The following SAMD4A variants were observed in gnomAD, a reference collection of about 807,000 sequenced individuals.
The protein encoded by SAMD4A is sterile alpha motif domain containing 4A, also known as protein Smaug homolog 1.
SAMD4A carries 33 observed loss-of-function variants against 81.3 expected under a neutral mutation model. The observed-to-expected ratio is 0.41, with a 90% CI of 0.31 to 0.54. The LOEUF (loss-of-function observed/expected upper bound fraction) is 0.54. Among genes scored for constraint, SAMD4A ranks in the 20% least tolerant of loss-of-function variants. The pLI is 0.37. For synonymous variants in SAMD4A, 389 were observed against 382.1 expected, an observed-to-expected ratio of 1.02 and a Z score of -0.21; for missense variants, 854 against 951.1, an observed-to-expected ratio of 0.90 and a Z score of 1.34.
intron 3 of SAMD4A, among the ~76,000 whole-genome samples, chr14:54,727,670 T>C (rs753925830): frequency 6.6e-6 from 1 of 152,206 alleles, no homozygotes; most frequent in Non-Finnish European, 1.5e-5. Context: ...AATTTTTGGC[T>C]ACTGTATTTG....
intron 4 of SAMD4A, among the ~76,000 whole-genome samples, chr14:54,745,753 A>G (rs1440582801): frequency 2.0e-5 from 3 of 152,208 alleles, no homozygotes; most frequent in Non-Finnish European, 4.4e-5. Context: ...GTGACTTTCT[A>G]GTTTGAGACC....
intron 8 of SAMD4A, among the ~76,000 whole-genome samples, chr14:54,768,456 C>T (rs111650779): frequency 6.6e-6 from 1 of 152,180 alleles, no homozygotes; most frequent in African/African-American, 2.4e-5. Context: ...TGCGTAAAGG[C>T]GTGCAGGGAT....
chr14:54,654,817 C>T (rs926958096), intron 2 of SAMD4A, among the ~76,000 whole-genome samples: 3 of 152,222 alleles, frequency 2.0e-5, no homozygotes, highest in African/African-American at 7.2e-5. Context: ...GCCTTCACTC[C>T]ATGGTTGGTG....
chr14:54,683,561 A>G (rs1010737447), intron 2 of SAMD4A, among the ~76,000 whole-genome samples: 2 of 152,158 alleles, frequency 1.3e-5, no homozygotes, highest in African/African-American at 4.8e-5. Flanking sequence ...TTCCTGGCAG[A>G]GCTCTGAGTA....
At chr14:54,724,016 G>GGAA (rs1555347556) in intron 3 of SAMD4A, among the ~76,000 whole-genome samples, 17 of 145,646 alleles carry the variant, frequency 1.2e-4, no homozygotes, top group East Asian at 8.5e-4. Flanking sequence ...ATGGAAGGAA[G>GGAA]GAAGGAAGGA....
At chr14:54,631,795 A>C (rs1410352059) in intron 2 of SAMD4A, among the ~76,000 whole-genome samples, 1 of 152,196 alleles carries the variant, frequency 6.6e-6, no homozygotes, top group East Asian at 1.9e-4. Context: ...CTGACCCTGT[A>C]TAAGCCTAAG....
intron 9 of SAMD4A, among the ~76,000 whole-genome samples, chr14:54,773,995 G>A (rs977145596): frequency 2.0e-5 from 3 of 152,226 alleles, no homozygotes; most frequent in Non-Finnish European, 4.4e-5. Context: ...AAAGAAGGGA[G>A]CCCTGGGACA....
chr14:54,694,603 G>A (rs1377141306), intron 2 of SAMD4A: 26 of 985,358 alleles, frequency 2.6e-5, no homozygotes, highest in South Asian at 1.9e-4. Context: ...AAATACAAAC[G>A]TGGAGTTGTC....
chr14:54,655,780 G>A (rs1440941932), intron 2 of SAMD4A, among the ~76,000 whole-genome samples: 2 of 152,122 alleles, frequency 1.3e-5, no homozygotes, highest in African/African-American at 2.4e-5. Context: ...AATATAGATC[G>A]GGAGTCAGAA....
At chr14:54,626,244 C>T (rs2140321332) in intron 2 of SAMD4A, among the ~76,000 whole-genome samples, 1 of 152,212 alleles carries the variant, frequency 6.6e-6, no homozygotes, top group East Asian at 1.9e-4. Flanking sequence ...TAGACTTTAT[C>T]TCTTCTCCAT....
At chr14:54,773,808 A>G (rs1236863864) in intron 9 of SAMD4A, among the ~76,000 whole-genome samples, 2 of 152,250 alleles carry the variant, frequency 1.3e-5, no homozygotes, top group Non-Finnish European at 2.9e-5. Context: ...AGGATGCGTC[A>G]TGATGGCAGA....
rs1367532946 is a variant in SAMD4A, at chr14:54,791,453, C to A, written c.*2509C>A. 4 of 152,148 alleles carry A rather than the reference C, an allele frequency of 2.6e-5. No individual in the cohort carries two copies. The highest frequency in any genetic ancestry group is 5.9e-5 in the Non-Finnish European group (4 of 68,020). The allele number at this position is 152,148 out of a possible 1,614,324, so 9.4% of individuals were successfully genotyped here. A position where few individuals can be genotyped will look rare whatever the true frequency, so the allele number is the denominator to read the frequency against. On this transcript the variant is annotated 3_prime_UTR_variant, in exon 13 of 13. Coordinates refer to ENST00000554335, the MANE Select transcript of SAMD4A (RefSeq NM_015589.6). ...CTGCAAATCTGAATTTCTATTTATT[C>A]CTTCACTGAATATAGAAACAATGGT... is the stretch of plus-strand genomic sequence containing the variant.
At chr14:54,655,323 T>G (rs1158153008) in intron 2 of SAMD4A, among the ~76,000 whole-genome samples, 3 of 152,196 alleles carry the variant, frequency 2.0e-5, no homozygotes. Context: ...ACAGAATCAG[T>G]GCAATGGCAG....
chr14:54,718,239 TAAAC>T (rs145323280), intron 3 of SAMD4A, among the ~76,000 whole-genome samples: 1,611 of 152,364 alleles, frequency 0.011, 8 homozygotes, highest in Admixed American at 0.018. Flanking sequence ...TGCAGTTGCA[TAAAC>T]AAACTTTTTA....
intron 2 of SAMD4A, among the ~76,000 whole-genome samples, chr14:54,669,676 C>G (rs1240089450): frequency 6.6e-6 from 1 of 152,060 alleles, no homozygotes; most frequent in Non-Finnish European, 1.5e-5. Flanking sequence ...TAGGCCCCCA[C>G]TAGGTATTGC....
chr14:54,722,526 C>T (rs780308949), intron 3 of SAMD4A, among the ~76,000 whole-genome samples: 6 of 152,202 alleles, frequency 3.9e-5, no homozygotes, highest in Non-Finnish European at 5.9e-5. Flanking sequence ...GATACTGATA[C>T]GAAAACTAAT....
intron 7 of SAMD4A, among the ~76,000 whole-genome samples, chr14:54,763,539 T>C (rs1424912167): frequency 6.6e-6 from 1 of 152,184 alleles, no homozygotes; most frequent in Middle Eastern, 3.2e-3. Flanking sequence ...CAAACAATGT[T>C]ATACTGAAAG....
At chr14:54,720,514 T>G (rs1276385268) in intron 3 of SAMD4A, among the ~76,000 whole-genome samples, 1 of 152,078 alleles carries the variant, frequency 6.6e-6, no homozygotes, top group Non-Finnish European at 1.5e-5. Context: ...CCATCTGCAA[T>G]TCTTTTCTCA....
chr14:54,616,952 C>T (rs1386911836), intron 2 of SAMD4A, among the ~76,000 whole-genome samples: 1 of 152,116 alleles, frequency 6.6e-6, no homozygotes, highest in Non-Finnish European at 1.5e-5. Flanking sequence ...CTGAAGAAGC[C>T]TGGACCTCAA....
Sources: gnomAD v4.1 joint callset for allele counts (sites outside exome capture counted in the v4.1 genomes callset) on GRCh38, gnomAD v4.1.1 for gene constraint, MANE v1.5 for transcripts, NCBI Gene and HGNC (gene_info 2026-07-23, HGNC 2026-07-21) for gene names.